The following RASEF variants were observed in gnomAD, a reference collection of about 807,000 sequenced individuals.
RASEF encodes the protein ras and EF-hand domain-containing protein.
RASEF carries 68 observed loss-of-function variants against 90.1 expected under a neutral mutation model. The ratio of observed to expected loss-of-function variants is 0.75; its 90% CI spans 0.62 to 0.92. The LOEUF (loss-of-function observed/expected upper bound fraction) is 0.92. Ranked by LOEUF, RASEF falls within the 40% of genes least tolerant of loss-of-function variation. The pLI is 0.00. For synonymous variants in RASEF, 331 were observed against 345.2 expected (o/e 0.96, Z 0.46); for missense variants, 949 against 937.2 (o/e 1.01, Z -0.16).
intron 16 of RASEF, among the ~76,000 whole-genome samples, chr9:82,985,190 T>A (rs1404794985): frequency 1.3e-5 from 2 of 151,986 alleles, no homozygotes. Context: ...CACTCAAAAG[T>A]GGGAACGAAA....
chr9:83,208,121 T>C, the RASEF span, among the ~76,000 whole-genome samples: 1 of 152,170 alleles, frequency 6.6e-6, no homozygotes, highest in South Asian at 2.1e-4. Context: ...TACGTTGACC[T>C]TCAGGCAGCC....
chr9:83,174,718 C>A, the RASEF span, among the ~76,000 whole-genome samples: 2 of 152,120 alleles, frequency 1.3e-5, no homozygotes, highest in Non-Finnish European at 2.9e-5. Flanking sequence ...AGTCCACTTG[C>A]CATCTTAACA....
the RASEF span, among the ~76,000 whole-genome samples, chr9:83,093,115 G>A: frequency 3.3e-5 from 5 of 152,188 alleles, no homozygotes; most frequent in African/African-American, 9.7e-5. Context: ...ACAGGGTGCT[G>A]ATTGGTGTGT....
rs1479570298 is a variant in RASEF, at chr9:82,981,648, A to C, written c.*1029T>G. 1 of 152,156 alleles carries C rather than the reference A, an allele frequency of 6.6e-6. No homozygotes were observed. Among genetic ancestry groups the C allele is most frequent in the African/African-American group, 2.4e-5 (1 of 41,406 alleles). The allele number at this position is 152,156 out of a possible 1,614,324, so 9.4% of individuals were successfully genotyped here. A position where few individuals can be genotyped will look rare whatever the true frequency, so the allele number is the denominator to read the frequency against. On this transcript the variant is annotated 3_prime_UTR_variant, in exon 17 of 17. Coordinates refer to ENST00000376447, the MANE Select transcript of RASEF (RefSeq NM_152573.4). ...CATAAAATTCACCCTTTCAAAGTATACAATTCAGTGGTTCCTAGTACATTC... is the reference window on the plus strand; with the variant it reads ...CATAAAATTCACCCTTTCAAAGTATCCAATTCAGTGGTTCCTAGTACATTC...
At chr9:83,116,196 G>A in the RASEF span, among the ~76,000 whole-genome samples, 3 of 152,098 alleles carry the variant, frequency 2.0e-5, no homozygotes, top group Non-Finnish European at 2.9e-5. Context: ...ACCACAACTT[G>A]GTTGCCAATT....
At chr9:83,175,761 T>C in the RASEF span, among the ~76,000 whole-genome samples, 33 of 152,130 alleles carry the variant, frequency 2.2e-4, no homozygotes, top group Non-Finnish European at 4.3e-4. Context: ...TTTGTATTTT[T>C]AGTAGAGATG....
At chr9:82,987,784 C>T (rs1828734755) in intron 16 of RASEF, among the ~76,000 whole-genome samples, 2 of 152,214 alleles carry the variant, frequency 1.3e-5, no homozygotes, top group Admixed American at 6.5e-5. Flanking sequence ...AGATCATTTC[C>T]TTTAGGCCCC....
At chr9:83,158,072 T>C in the RASEF span, among the ~76,000 whole-genome samples, 1 of 152,186 alleles carries the variant, frequency 6.6e-6, no homozygotes, top group Non-Finnish European at 1.5e-5. Context: ...TTAATTTAGT[T>C]CATTTTTGAG....
the RASEF span, among the ~76,000 whole-genome samples, chr9:83,136,586 C>T: frequency 4.6e-5 from 7 of 152,198 alleles, no homozygotes; most frequent in East Asian, 1.2e-3. Context: ...AATTCTACTA[C>T]GACCTCACTG....
At chr9:83,044,396 G>A (rs1460794708) in intron 1 of RASEF, among the ~76,000 whole-genome samples, 1 of 152,130 alleles carries the variant, frequency 6.6e-6, no homozygotes, top group Non-Finnish European at 1.5e-5. Flanking sequence ...TTGATGAAGA[G>A]TGGGATTGTA....
chr9:83,213,385 G>T, the RASEF span, among the ~76,000 whole-genome samples: 1 of 148,210 alleles, frequency 6.7e-6, no homozygotes, highest in African/African-American at 2.5e-5. Flanking sequence ...GGGCAACAGA[G>T]CGAGACTTCA....
the RASEF span, among the ~76,000 whole-genome samples, chr9:83,146,071 A>G: frequency 6.6e-6 from 1 of 151,754 alleles, no homozygotes; most frequent in East Asian, 1.9e-4. Flanking sequence ...AAAGAAGCCA[A>G]AAATAGAGTT....
chr9:83,010,145 C>G (rs1021903307), intron 5 of RASEF, among the ~76,000 whole-genome samples: 9 of 152,136 alleles, frequency 5.9e-5, no homozygotes, highest in Non-Finnish European at 1.3e-4. Context: ...GTACCTATTA[C>G]CAGGTACACT....
chr9:83,066,715 G>T (rs1417482557), upstream of RASEF, among the ~76,000 whole-genome samples: 1 of 152,172 alleles, frequency 6.6e-6, no homozygotes. Context: ...GCAGTGAAAA[G>T]ACATCTTTGG....
the RASEF span, among the ~76,000 whole-genome samples, chr9:83,187,903 C>T: frequency 2.6e-5 from 4 of 152,180 alleles, no homozygotes; most frequent in Non-Finnish European, 4.4e-5. Context: ...ATCCACCAGC[C>T]GTGAGACTGT....
At chr9:83,143,662 G>A in the RASEF span, among the ~76,000 whole-genome samples, 2 of 152,158 alleles carry the variant, frequency 1.3e-5, no homozygotes, top group Non-Finnish European at 2.9e-5. Context: ...AACAACAGAT[G>A]CTGGCAAGGC....
chr9:83,018,124 T>C (rs2118539878), intron 3 of RASEF, among the ~76,000 whole-genome samples: 1 of 152,330 alleles, frequency 6.6e-6, no homozygotes, highest in African/African-American at 2.4e-5. Context: ...CCTTTATTCT[T>C]CTTACCAGTG....
chr9:83,024,313 A>G (rs180842213), intron 2 of RASEF, among the ~76,000 whole-genome samples: 184 of 152,110 alleles, frequency 1.2e-3, no homozygotes, highest in Non-Finnish European at 2.3e-3. Flanking sequence ...GGTAATGAGA[A>G]CATCAAGCAT....
chr9:83,043,472 C>T (rs889882763), intron 1 of RASEF, among the ~76,000 whole-genome samples: 27 of 152,138 alleles, frequency 1.8e-4, no homozygotes, highest in African/African-American at 6.5e-4. Context: ...TTTATTCAAG[C>T]ATTCCATCTG....
Sources: allele counts gnomAD v4.1 joint callset (sites outside exome capture counted in the v4.1 genomes callset), GRCh38; gene constraint gnomAD v4.1.1; transcripts MANE v1.5; gene names NCBI Gene and HGNC (gene_info 2026-07-23, HGNC 2026-07-21).